Variants in FOXK1 observed in about 807,000 individuals in gnomAD.
FOXK1 encodes the protein forkhead box protein K1.
Under a neutral mutation model 51.9 loss-of-function variants are expected in FOXK1, and 19 were observed. The observed-to-expected ratio is 0.37, with a 90% CI of 0.26 to 0.54. The LOEUF (loss-of-function observed/expected upper bound fraction) is 0.54. Ranked by LOEUF, FOXK1 falls within the 20% of genes least tolerant of loss-of-function variation. FOXK1 has a pLI of 0.87. For synonymous variants in FOXK1, 537 were observed against 482.6 expected (o/e 1.11, Z -1.48); for missense variants, 870 against 1,032.7 (o/e 0.84, Z 2.16).
Position 4,682,535 on chromosome 7 carries a change from G to A in FOXK1, c.227G>A (p.Gly76Glu). Residue 76 changes from glycine (G) to glutamate (E), a missense_variant, in exon 1 of 9, where the codon GGG becomes GAG. Coordinates refer to ENST00000328914, the MANE Select transcript of FOXK1 (RefSeq NM_001037165.2). The surrounding 1 kb of genome is among the most constrained non-coding windows in gnomAD (Gnocchi z 7.6). The part of the protein sequence containing the change: ...AGAGSSGGSS[G>E]VSGDSAVAGA... ...GCGGGCTCCTCCGGGGGCTCCTCCG[G>A]GGTATCCGGGGACTCCGCGGTCGCG... 8.8e-7 allele frequency: 1 copy of A among 1,131,908 alleles called. No homozygotes were observed. The allele number at this position is 1,131,908 out of a possible 1,614,324, so 70.1% of individuals were successfully genotyped here. A position where few individuals can be genotyped will look rare whatever the true frequency, so the allele number is the denominator to read the frequency against.
Position 4,754,406 on chromosome 7 carries a change from C to T in FOXK1, c.747-53C>T, listed in dbSNP as rs146263805. 1,093 of 1,590,320 alleles carry T rather than the reference C, an allele frequency of 6.9e-4. 5 individuals carry two copies. The African/African-American group carries it at 0.013, about 18-fold the overall frequency. ...GTAGGTCCTGAAGCCCTGAGCCCCA[C>T]AGGGGCCCCCTCTTCAGAGCCATGA... is the stretch of plus-strand genomic sequence containing the variant. On this transcript the variant is annotated intron_variant, in intron 2 of 8. Transcript: ENST00000328914.
Position 4,759,581 on chromosome 7 carries a change from G to A in FOXK1, c.1682G>A (p.Gly561Asp). 6.5e-7 allele frequency: 1 copy of A among 1,536,936 alleles called. No homozygotes were observed. ...DAAGAAVLDL[G>D]SEARGLEEKP... ...GCGGGCGCAGCCGTGCTGGACCTGG[G>A]CAGCGAGGCCAGAGGTAATGCAGCC... is the stretch of plus-strand genomic sequence containing the variant. The change falls in exon 7 of 9, where the codon GGC (glycine) becomes GAC (aspartate). Residue 561 changes from glycine (G) to aspartate (D), a missense_variant. Gly to Asp is a moderately conservative substitution (Grantham distance 94). Transcript: ENST00000328914.
chr7:4,697,838 A>C (rs1476852768), intron 1 of FOXK1, among the ~76,000 whole-genome samples: 10 of 99,026 alleles, frequency 1.0e-4, no homozygotes, highest in Non-Finnish European at 2.1e-5. Flanking sequence ...TCTTTTTTTT[A>C]TTTTGAGATG....
At chr7:4,717,642 C>G (rs1192993443) in intron 1 of FOXK1, among the ~76,000 whole-genome samples, 3 of 152,132 alleles carry the variant, frequency 2.0e-5, no homozygotes, top group Non-Finnish European at 4.4e-5. Context: ...CACCCTAGCC[C>G]CAGAGGCAGG....
intron 1 of FOXK1, among the ~76,000 whole-genome samples, chr7:4,685,072 C>A (rs974858259): frequency 6.6e-6 from 1 of 151,448 alleles, no homozygotes; most frequent in Non-Finnish European, 1.5e-5. Context: ...TGGCCCACTG[C>A]GCCTGTCTGT....
At chr7:4,746,437 T>C (rs984709529) in intron 2 of FOXK1, among the ~76,000 whole-genome samples, 14 of 152,152 alleles carry the variant, frequency 9.2e-5, no homozygotes, top group Admixed American at 9.2e-4. Flanking sequence ...TGACGCACTT[T>C]GGGAAGCTGA....
intron 1 of FOXK1, among the ~76,000 whole-genome samples, chr7:4,694,732 TG>T (rs1395451943): frequency 6.6e-6 from 1 of 152,176 alleles, no homozygotes; most frequent in Non-Finnish European, 1.5e-5. Context: ...ACCTGGTGAC[TG>T]GGAGTCCACA....
chr7:4,710,151 T>G (rs1780156698), intron 1 of FOXK1, among the ~76,000 whole-genome samples: 1 of 152,256 alleles, frequency 6.6e-6, no homozygotes, highest in Non-Finnish European at 1.5e-5. Flanking sequence ...CTGACTGTTT[T>G]GATGACTTTG....
chr7:4,692,092 A>G (rs901284402), intron 1 of FOXK1, among the ~76,000 whole-genome samples: 1 of 152,160 alleles, frequency 6.6e-6, no homozygotes, highest in African/African-American at 2.4e-5. Context: ...CTACTCAAAA[A>G]TGGTAATAAT....
rs535750820 is a variant in FOXK1, at chr7:4,722,855, G to C, written c.561-17983G>C. 2.7e-4 allele frequency among the ~76,000 whole-genome samples: 41 copies of C among 152,196 alleles called. No homozygotes were observed. The highest frequency in any genetic ancestry group is 9.1e-4 in the African/African-American group (38 of 41,536). On this transcript the variant is annotated intron_variant, in intron 1 of 8. Coordinates refer to ENST00000328914, the MANE Select transcript of FOXK1 (RefSeq NM_001037165.2). This position sits in a 1 kb window ranked among gnomAD's most constrained non-coding sequence, Gnocchi z 5.1. Reference sequence around the variant, plus strand: ...CCTTCTCCATCCCTCTCTCGTTTGGGCTCCGGTTCCCGCAGAATTGGCATC... The same window carrying C: ...CCTTCTCCATCCCTCTCTCGTTTGGCCTCCGGTTCCCGCAGAATTGGCATC...
intron 1 of FOXK1, among the ~76,000 whole-genome samples, chr7:4,706,549 CAAG>C (rs1780105054): frequency 6.6e-6 from 1 of 152,126 alleles, no homozygotes; most frequent in Non-Finnish European, 1.5e-5. Flanking sequence ...TCCCTCCTAT[CAAG>C]AAGGAACCTC....
intron 2 of FOXK1, among the ~76,000 whole-genome samples, chr7:4,752,258 C>T (rs1317325272): frequency 6.6e-6 from 1 of 152,242 alleles, no homozygotes; most frequent in African/African-American, 2.4e-5. Flanking sequence ...AGTCCTCCTG[C>T]CTCAGCCTCC....
At chr7:4,750,405 A>G (rs1199792987) in intron 2 of FOXK1, among the ~76,000 whole-genome samples, 1 of 150,420 alleles carries the variant, frequency 6.6e-6, no homozygotes, top group Non-Finnish European at 1.5e-5. Flanking sequence ...TCATTCCCGC[A>G]GGAGGAAATG....
intron 1 of FOXK1, among the ~76,000 whole-genome samples, chr7:4,724,164 A>T (rs1391484007): frequency 1.3e-5 from 2 of 151,998 alleles, no homozygotes; most frequent in African/African-American, 4.8e-5. Flanking sequence ...GATTCTGTGC[A>T]CATCCAGAGT....
In FOXK1 at chr7:4,682,398, C is replaced by CGCCGCCGCCTTCCCCGCG; in HGVS notation, c.96_113dup (p.Ala33_Ala38dup). 1.0e-6 allele frequency: 1 copy of CGCCGCCGCCTTCCCCGCG among 981,322 alleles called. No individual in the cohort carries two copies. Among genetic ancestry groups the CGCCGCCGCCTTCCCCGCG allele is most frequent in the Non-Finnish European group, 1.2e-6 (1 of 828,662 alleles). The allele number at this position is 981,322 out of a possible 1,614,324, so 60.8% of individuals were successfully genotyped here. On this transcript the variant is annotated inframe_insertion, in exon 1 of 9. Coordinates refer to ENST00000328914, the MANE Select transcript of FOXK1 (RefSeq NM_001037165.2). The surrounding 1 kb of genome is among the most constrained non-coding windows in gnomAD (Gnocchi z 7.6). The stretch of plus-strand genomic sequence containing the variant: ...GCCCAGTGCTGTGCGCCGCAGCCGC[C>CGCCGCCGCCTTCCCCGCG]GCCGCCGCCTTCCCCGCGGCCGCAC...
chr7:4,761,262 C>T lies in FOXK1; in HGVS notation c.1895C>T (p.Thr632Met), dbSNP rs777445712. The change falls in exon 8 of 9, where the codon ACG (threonine) becomes ATG (methionine). Residue 632 changes from threonine (T) to methionine (M), a missense_variant. By Grantham distance (81) the Thr-to-Met change is moderately conservative. Coordinates refer to ENST00000328914, the MANE Select transcript of FOXK1 (RefSeq NM_001037165.2). This position sits in a 1 kb window ranked among gnomAD's most constrained non-coding sequence, Gnocchi z 6.2. ...CAGAACGGAAAGCATGCGGTTCCCA[C>T]GAACAGTTTAGCCGGCAACGCTTAC... ...VTQNGKHAVP[T>M]NSLAGNAYAL... 3.5e-5 allele frequency: 56 copies of T among 1,612,814 alleles called. No individual in the cohort carries two copies. The highest frequency in any genetic ancestry group is 1.6e-4 in the Middle Eastern group (1 of 6,084).
At chr7:4,737,575 C>T (rs13242784) in intron 1 of FOXK1, among the ~76,000 whole-genome samples, 2 of 107,710 alleles carry the variant, frequency 1.9e-5, no homozygotes, top group Non-Finnish European at 3.8e-5. Context: ...TGTGTGTGTG[C>T]ATGCATGTGT....
rs1780219589 is a variant in FOXK1 at position 4,715,217 on chromosome 7, A to G, written c.561-25621A>G. Reference sequence around the variant, plus strand: ...CTGTGGCGATACGGGGCACGGTGGAACTGTGATGATATCGGGCATGGCGAA... The same window carrying G: ...CTGTGGCGATACGGGGCACGGTGGAGCTGTGATGATATCGGGCATGGCGAA... On this transcript the variant is annotated intron_variant, in intron 1 of 8. Transcript: ENST00000328914. This position sits in a 1 kb window ranked among gnomAD's most constrained non-coding sequence, Gnocchi z 4.5. Among the ~76,000 whole-genome samples, 1 of 152,170 alleles carries G rather than the reference A, an allele frequency of 6.6e-6. No individual in the cohort carries two copies. Among genetic ancestry groups the G allele is most frequent in the Non-Finnish European group, 1.5e-5 (1 of 68,032 alleles).
chr7:4,719,928 C>G (rs1780287801), intron 1 of FOXK1, among the ~76,000 whole-genome samples: 1 of 152,096 alleles, frequency 6.6e-6, no homozygotes, highest in African/African-American at 2.4e-5. Flanking sequence ...AGATAGGAGT[C>G]TCTTCTCCCA....
Sources: gnomAD v4.1 joint callset for allele counts (sites outside exome capture counted in the v4.1 genomes callset) on GRCh38, gnomAD v4.1.1 for gene constraint, Gnocchi (gnomAD v3.1) non-coding constraint, MANE v1.5 for transcripts, NCBI Gene and HGNC (gene_info 2026-07-23, HGNC 2026-07-21) for gene names.